Variants in VOPP1 observed in about 807,000 individuals in gnomAD.
VOPP1 encodes VOPP1 WW domain binding protein, also known as WW domain binding protein VOPP1.
VOPP1 carries 8 observed loss-of-function variants against 23.5 expected under a neutral mutation model. The observed-to-expected ratio is 0.34, with a 90% confidence interval of 0.20 to 0.61. The LOEUF is 0.61. VOPP1 is among the 20% of genes least tolerant of loss of function. The pLI, the probability that VOPP1 is intolerant of heterozygous loss-of-function variation, is 0.78. For missense variants in VOPP1, 174 were observed against 238.1 expected, an observed-to-expected ratio of 0.73 and a Z score of 1.77; for synonymous variants, 83 against 97.3, an observed-to-expected ratio of 0.85 and a Z score of 0.86.
intron 2 of VOPP1, among the ~76,000 whole-genome samples, chr7:55,515,609 C>T (rs148895981): frequency 6.6e-6 from 1 of 152,226 alleles, no homozygotes; most frequent in South Asian, 2.1e-4. Flanking sequence ...GCAGGCACCA[C>T]GACCACACCT....
At chr7:55,529,814 G>A (rs191924946) in intron 1 of VOPP1, among the ~76,000 whole-genome samples, 157 of 152,222 alleles carry the variant, frequency 1.0e-3, no homozygotes, top group African/African-American at 3.5e-3. Context: ...TTTGCTATAA[G>A]GTTCAATTAA....
intron 2 of VOPP1, among the ~76,000 whole-genome samples, chr7:55,514,979 T>G (rs752503478): frequency 3.9e-5 from 6 of 152,292 alleles, no homozygotes; most frequent in Non-Finnish European, 8.8e-5. Context: ...CTGGACCCTG[T>G]GTAACACACT....
chr7:55,452,252 T>C (rs1019507875), intron 4 of VOPP1, among the ~76,000 whole-genome samples: 2 of 152,158 alleles, frequency 1.3e-5, no homozygotes, highest in African/African-American at 4.8e-5. Context: ...AGTTTTACCA[T>C]GAGATTGTAG....
At chr7:55,492,237 C>A (rs117942953) in intron 4 of VOPP1, 45 bp downstream of exon 4, 7 of 1,571,834 alleles carry the variant, frequency 4.5e-6, no homozygotes, top group Non-Finnish European at 6.1e-6. Flanking sequence ...TGTTGGCAGA[C>A]GACACACACT....
intron 2 of VOPP1, among the ~76,000 whole-genome samples, chr7:55,504,278 C>A (rs942859678): frequency 1.3e-5 from 2 of 152,174 alleles, no homozygotes. Context: ...GAGCTGAGCC[C>A]GCAGCACATA....
At chr7:55,497,250 C>G (rs1282232658) in intron 3 of VOPP1, among the ~76,000 whole-genome samples, 1 of 152,186 alleles carries the variant, frequency 6.6e-6, no homozygotes, top group African/African-American at 2.4e-5. Flanking sequence ...AATGAAAACT[C>G]GATCGCCTGC....
At position 55,502,606 on chromosome 7, in the gene VOPP1, T is replaced by C. The variant is rs148221007; in HGVS notation, c.114-4916A>G. Among the ~76,000 whole-genome samples, 567 of 152,336 alleles carry C rather than the reference T, an allele frequency of 3.7e-3. 2 individuals are homozygous for C. Among genetic ancestry groups the C allele is most frequent in the Non-Finnish European group, 5.9e-3 (402 of 68,032 alleles). ...TCTTCCTTTTGAAGCTGCTGGTAAATTGGGGCCCTAAGCACACACACCTGC... is the reference window on the plus strand; with the variant it reads ...TCTTCCTTTTGAAGCTGCTGGTAAACTGGGGCCCTAAGCACACACACCTGC... On this transcript the variant is annotated intron_variant, in intron 2 of 4. Coordinates refer to ENST00000285279, the MANE Select transcript of VOPP1 (RefSeq NM_030796.5).
intron 2 of VOPP1, among the ~76,000 whole-genome samples, chr7:55,498,084 TACGGGGAA>T (rs1794103636): frequency 6.6e-6 from 1 of 152,216 alleles, no homozygotes; most frequent in Admixed American, 6.5e-5. Context: ...AGTCCCCGAC[TACGGGGAA>T]AAGATGGAAA....
At chr7:55,549,165 C>T (rs1250872853) in intron 1 of VOPP1, among the ~76,000 whole-genome samples, 1 of 152,156 alleles carries the variant, frequency 6.6e-6, no homozygotes, top group Non-Finnish European at 1.5e-5. Context: ...GCCTAAATTA[C>T]CTAAAGGTTC....
chr7:55,486,283 C>T (rs1471632950), intron 4 of VOPP1, among the ~76,000 whole-genome samples: 1 of 152,184 alleles, frequency 6.6e-6, no homozygotes, highest in Non-Finnish European at 1.5e-5. Context: ...ACAGTCTGTG[C>T]AAAGTGTGTT....
At chr7:55,478,398 C>T (rs1255490715) in intron 4 of VOPP1, among the ~76,000 whole-genome samples, 1 of 151,758 alleles carries the variant, frequency 6.6e-6, no homozygotes, top group African/African-American at 2.4e-5. Flanking sequence ...AGAATGAAGT[C>T]AGGAAAAAAA....
At chr7:55,444,783 T>G (rs1791055032) in intron 4 of VOPP1, among the ~76,000 whole-genome samples, 1 of 152,100 alleles carries the variant, frequency 6.6e-6, no homozygotes, top group Non-Finnish European at 1.5e-5. Context: ...AACAAAACTC[T>G]TAACAAGAGA....
At chr7:55,506,062 G>A (rs921785148) in intron 2 of VOPP1, among the ~76,000 whole-genome samples, 4 of 152,080 alleles carry the variant, frequency 2.6e-5, no homozygotes, top group East Asian at 1.9e-4. Context: ...ATTTCCTGAC[G>A]CCTTCGAGAG....
In VOPP1 at chr7:55,471,762, T is replaced by C. The variant is rs969837509; in HGVS notation, c.*1093A>G. On this transcript the variant is annotated 3_prime_UTR_variant, in exon 5 of 5. Transcript: ENST00000285279. ...ATGGTCAGTGCAGTTGAGTCAGTAC[T>C]TCTCCTGTCTTTTCCCAGCAAGCTC... 2 of 151,678 alleles carry C rather than the reference T, an allele frequency of 1.3e-5. No individual in the cohort carries two copies. Among genetic ancestry groups the C allele is most frequent in the Non-Finnish European group, 2.9e-5 (2 of 67,958 alleles). 9.4% of individuals were successfully genotyped at this position (151,678 alleles called of 1,614,324 possible).
downstream of VOPP1, among the ~76,000 whole-genome samples, chr7:55,466,106 A>T (rs1489141524): frequency 6.6e-6 from 1 of 152,198 alleles, no homozygotes; most frequent in Non-Finnish European, 1.5e-5. Context: ...GAAGACAGCC[A>T]TCTATGAACC....
At chr7:55,525,594 C>T (rs1050713026) in intron 1 of VOPP1, among the ~76,000 whole-genome samples, 1 of 152,030 alleles carries the variant, frequency 6.6e-6, no homozygotes, top group Non-Finnish European at 1.5e-5. Context: ...TGATCCCACA[C>T]CAGCTAGCAC....
intron 1 of VOPP1, among the ~76,000 whole-genome samples, chr7:55,533,940 C>T (rs542298744): frequency 1.9e-4 from 29 of 152,160 alleles, no homozygotes; most frequent in African/African-American, 6.5e-4. Context: ...GATGGCAAAA[C>T]TCAGATCCAA....
rs1186499440 is a variant in VOPP1, at chr7:55,471,785, C to A, written c.*1070G>T. 1 of 151,856 alleles carries A rather than the reference C, an allele frequency of 6.6e-6. No individual in the cohort carries two copies. The highest frequency in any genetic ancestry group is 1.5e-5 in the Non-Finnish European group (1 of 67,994). The allele number at this position is 151,856 out of a possible 1,614,324, so 9.4% of individuals were successfully genotyped here. A position where few individuals can be genotyped will look rare whatever the true frequency, so the allele number is the denominator to read the frequency against. On this transcript the variant is annotated 3_prime_UTR_variant, in exon 5 of 5. Transcript: ENST00000285279. ...ACTTCTCCTGTCTTTTCCCAGCAAG[C>A]TCCTCCTCCTTGGAGCCCAGCACAC...
At chr7:55,473,066 G>T (rs201457143) in intron 4 of VOPP1, 21 bp from the exon 5 acceptor site, 14 of 1,588,782 alleles carry the variant, frequency 8.8e-6, no homozygotes, top group Non-Finnish European at 1.1e-5. Context: ...GACAAACATA[G>T]GTGAGCACAG....
Sources: gnomAD v4.1 joint callset for allele counts (sites outside exome capture counted in the v4.1 genomes callset) on GRCh38, gnomAD v4.1.1 for gene constraint, MANE v1.5 for transcripts, NCBI Gene and HGNC (gene_info 2026-07-23, HGNC 2026-07-21) for gene names.